NEO1: variants seen among roughly 807,000 people sequenced by gnomAD.
The protein encoded by NEO1 is neogenin 1.
Under a neutral mutation model 159.7 loss-of-function variants are expected in NEO1, and 63 were observed. The observed-to-expected ratio is 0.39, with a 90% CI of 0.32 to 0.49. The LOEUF (loss-of-function observed/expected upper bound fraction) is 0.49. Ranked by LOEUF, NEO1 falls within the 20% of genes least tolerant of loss-of-function variation. The probability of loss-of-function intolerance (pLI) is 0.85; values close to 1 mark genes in which losing one functional copy is unlikely to be tolerated. For missense variants in NEO1, 1,615 were observed against 1,831.0 expected, an observed-to-expected ratio of 0.88 and a Z score of 2.15; for synonymous variants, 633 against 662.0, an observed-to-expected ratio of 0.96 and a Z score of 0.67.
intron 7 of NEO1, among the ~76,000 whole-genome samples, chr15:73,189,159 A>G (rs974071317): frequency 6.6e-6 from 1 of 152,204 alleles, no homozygotes; most frequent in Non-Finnish European, 1.5e-5. Context: ...ATTGAATTTT[A>G]TATCTTTGAT....
intron 4 of NEO1, among the ~76,000 whole-genome samples, chr15:73,135,636 G>A (rs1464192905): frequency 6.6e-6 from 1 of 152,096 alleles, no homozygotes; most frequent in Non-Finnish European, 1.5e-5. Flanking sequence ...TACCCCTTTG[G>A]AAATAACTAG....
intron 2 of NEO1, among the ~76,000 whole-genome samples, chr15:73,120,813 G>A (rs570629893): frequency 7.2e-5 from 11 of 151,930 alleles, no homozygotes; most frequent in Non-Finnish European, 1.3e-4. Context: ...ATCCTGTGGC[G>A]TCTATATTTA....
chr15:73,249,037 C>T, intron 9 of NEO1, 23 bp from the exon 10 acceptor site: 1 of 1,611,930 alleles, frequency 6.2e-7, no homozygotes, highest in Non-Finnish European at 8.5e-7. Flanking sequence ...TTATATCTTG[C>T]TTTCTCGAAC....
chr15:73,181,276 A>T (rs1039353603), intron 7 of NEO1, among the ~76,000 whole-genome samples: 3 of 152,234 alleles, frequency 2.0e-5, no homozygotes, highest in Admixed American at 6.5e-5. Flanking sequence ...TGTAATGAGT[A>T]TGATGATAAA....
intron 1 of NEO1, 87 bp downstream of exon 1, chr15:73,052,892 A>G (rs2067522454): frequency 5.4e-6 from 1 of 185,476 alleles, no homozygotes; most frequent in South Asian, 1.8e-4. Context: ...TTTAGGATCC[A>G]GGAGGAAACG....
intron 5 of NEO1, among the ~76,000 whole-genome samples, chr15:73,138,646 C>G (rs1193688026): frequency 5.3e-5 from 8 of 151,820 alleles, no homozygotes; most frequent in African/African-American, 1.9e-4. Flanking sequence ...GTCCCAGCTA[C>G]TTGGGAGGCT....
rs775556562 is a variant in NEO1, at chr15:73,116,675, A to C, written c.266A>C (p.Asp89Ala). 6.2e-7 allele frequency: 1 copy of C among 1,614,010 alleles called. No individual in the cohort carries two copies. The highest frequency in any genetic ancestry group is 2.2e-5 in the East Asian group (1 of 44,868). ...TCTCCAAAAATTGAATGGAAAAAAG[A>C]TGGAACTTTTTTAAACTTAGTATCA... ...EPSPKIEWKK[D>A]GTFLNLVSDD... Residue 89 changes from aspartate to alanine, a missense_variant, in exon 2 of 29, where the codon GAT (aspartate) becomes GCT (alanine). Physicochemically the swap from Asp to Ala is moderately radical, Grantham distance 126. Around this residue, in one of 3 missense-constraint regions of NEO1, gnomAD observed 1,018 missense variants for 1,115.4 expected, o/e 0.91. Transcript: ENST00000261908.
At chr15:73,291,406 A>T (rs1435662508) in intron 25 of NEO1, among the ~76,000 whole-genome samples, 1 of 152,328 alleles carries the variant, frequency 6.6e-6, no homozygotes, top group East Asian at 1.9e-4. Flanking sequence ...GCACCAATAT[A>T]CAATATTATT....
chr15:73,240,510 G>A (rs1262276125), intron 8 of NEO1, among the ~76,000 whole-genome samples: 4 of 152,206 alleles, frequency 2.6e-5, no homozygotes, highest in East Asian at 1.9e-4. Context: ...TAAAGTGGAC[G>A]TTTGGAGCCA....
intron 16 of NEO1, among the ~76,000 whole-genome samples, chr15:73,266,901 CA>C (rs2040927344): frequency 6.6e-6 from 1 of 152,178 alleles, no homozygotes; most frequent in Admixed American, 6.5e-5. Flanking sequence ...TCCATTTGAT[CA>C]GTTATACATT....
intron 26 of NEO1, among the ~76,000 whole-genome samples, chr15:73,297,962 C>T (rs2042445464): frequency 6.6e-6 from 1 of 152,182 alleles, no homozygotes; most frequent in Non-Finnish European, 1.5e-5. Context: ...TGGTGGTTAG[C>T]CATGGTTGTC....
intron 5 of NEO1, among the ~76,000 whole-genome samples, chr15:73,164,222 T>G (rs1596217127): frequency 6.7e-6 from 1 of 149,932 alleles, no homozygotes; most frequent in Non-Finnish European, 1.5e-5. Flanking sequence ...TTTTTTTTTT[T>G]TTTTTGAGAC....
At chr15:73,240,522 A>G (rs900989019) in intron 8 of NEO1, among the ~76,000 whole-genome samples, 2 of 152,256 alleles carry the variant, frequency 1.3e-5, no homozygotes, top group African/African-American at 4.8e-5. Flanking sequence ...TTGGAGCCAG[A>G]TGCTGGAATG....
intron 13 of NEO1, among the ~76,000 whole-genome samples, chr15:73,258,311 A>C (rs1460923630): frequency 6.6e-6 from 1 of 152,220 alleles, no homozygotes; most frequent in Non-Finnish European, 1.5e-5. Context: ...GGTGGCTCAG[A>C]GAACAGAGGT....
At chr15:73,291,295 A>G (rs1280584828) in intron 25 of NEO1, among the ~76,000 whole-genome samples, 1 of 152,192 alleles carries the variant, frequency 6.6e-6, no homozygotes, top group Non-Finnish European at 1.5e-5. Context: ...AAATTTTACT[A>G]TCTTTATTTC....
chr15:73,283,552 A>G (rs1596590147), intron 23 of NEO1, among the ~76,000 whole-genome samples: 1 of 151,908 alleles, frequency 6.6e-6, no homozygotes, highest in Non-Finnish European at 1.5e-5. Flanking sequence ...GAAAAGAAAC[A>G]CCTCCTACCC....
chr15:73,174,373 T>C (rs1259198015), intron 5 of NEO1, among the ~76,000 whole-genome samples: 2 of 151,950 alleles, frequency 1.3e-5, no homozygotes, highest in East Asian at 3.9e-4. Flanking sequence ...CCTGCTGGGG[T>C]GCTGTGGGCT....
At chr15:73,266,166 T>G in intron 15 of NEO1, 150 bp from the exon 16 acceptor site, 1 of 595,226 alleles carries the variant, frequency 1.7e-6, no homozygotes, top group East Asian at 2.8e-5. Flanking sequence ...TCCATCTCCA[T>G]ATCTCCCTAC....
intron 22 of NEO1, among the ~76,000 whole-genome samples, chr15:73,279,201 T>G (rs552423301): frequency 6.6e-6 from 1 of 152,280 alleles, no homozygotes; most frequent in Admixed American, 6.6e-5. Context: ...GGACTCTGTT[T>G]ATGAGTTTCT....
Sources: gnomAD v4.1 joint callset for allele counts (sites outside exome capture counted in the v4.1 genomes callset) on GRCh38, gnomAD v4.1.1 for gene constraint, gnomAD v4.1.1 regional missense constraint, MANE v1.5 for transcripts, NCBI Gene and HGNC (gene_info 2026-07-23, HGNC 2026-07-21) for gene names.